BSN: variants seen among roughly 807,000 people sequenced by gnomAD.
BSN encodes the protein bassoon presynaptic cytomatrix protein.
A neutral mutation model predicts 264.8 loss-of-function variants in BSN; 57 were observed. The ratio of observed to expected loss-of-function variants is 0.22; its 90% confidence interval spans 0.17 to 0.27. The LOEUF (loss-of-function observed/expected upper bound fraction) is 0.27, where lower values mean the gene tolerates loss of function less well. Among genes scored for constraint, BSN ranks in the 10% least tolerant of loss-of-function variants. BSN has a pLI of 1.00. For missense variants in BSN, 4,615 were observed against 5,232.5 expected, an observed-to-expected ratio of 0.88 and a Z score of 3.64; for synonymous variants, 2,059 against 2,137.3, an observed-to-expected ratio of 0.96 and a Z score of 1.01.
At position 49,656,720 on chromosome 3, in the gene BSN, T is replaced by C. The variant is rs768302501; in HGVS notation, c.7164T>C (p.Leu2388=). ...TGGAGTTGGAGAAGCTGCGACAACT[T>C]CGGCTGCAAGAGGAGCTAGAGCGGG... is the stretch of plus-strand genomic sequence containing the variant. The part of the protein sequence containing the change: ...ERVELEKLRQ[L]RLQEELERER... The change falls in exon 5 of 12, where the codon CTT becomes CTC. Residue 2388 remains leucine (L), a synonymous_variant. Coordinates refer to ENST00000296452, the MANE Select transcript of BSN (RefSeq NM_003458.4). 6.3e-7 allele frequency: 1 copy of C among 1,578,436 alleles called. No homozygotes were observed. Among genetic ancestry groups the C allele is most frequent in the Non-Finnish European group, 8.6e-7 (1 of 1,161,662 alleles).
chr3:49,607,967 G>C (rs1444856120), intron 1 of BSN, among the ~76,000 whole-genome samples: 3 of 152,196 alleles, frequency 2.0e-5, no homozygotes, highest in Admixed American at 2.0e-4. Flanking sequence ...ACAGTGAGGG[G>C]GACTGAGAAT....
chr3:49,648,297 A>G (rs2052515109), intron 3 of BSN, among the ~76,000 whole-genome samples: 2 of 152,312 alleles, frequency 1.3e-5, no homozygotes, highest in Middle Eastern at 3.4e-3. Flanking sequence ...CAGGGCAGAT[A>G]TCCAAACTTT....
At chr3:49,673,038 C>T (rs1221262678), downstream of BSN, among the ~76,000 whole-genome samples, 1 of 141,220 alleles carries the variant, frequency 7.1e-6, no homozygotes. Context: ...CTCGGCCTTC[C>T]AAAGTGCAGG....
intron 1 of BSN, among the ~76,000 whole-genome samples, chr3:49,571,462 G>T (rs2051794528): frequency 6.6e-6 from 1 of 152,206 alleles, no homozygotes; most frequent in South Asian, 2.1e-4. Flanking sequence ...GTAGACTGGG[G>T]TTGGGGAGAC....
intron 1 of BSN, among the ~76,000 whole-genome samples, chr3:49,586,178 G>A (rs1378442818): frequency 2.0e-5 from 3 of 152,014 alleles, no homozygotes; most frequent in Non-Finnish European, 2.9e-5. Context: ...GTTTTGCCTG[G>A]AGATTTTCCC....
rs2052223343 is a variant in BSN at position 49,613,303 on chromosome 3, C to CAAGAGAGAGAGAGAGAGAGAGA, written c.225-11672_225-11671insAAGAGAGAGAGAGAGAGAGAGA. Among the ~76,000 whole-genome samples, 269 of 47,326 alleles carry CAAGAGAGAGAGAGAGAGAGAGA rather than the reference C, an allele frequency of 5.7e-3. 9 individuals carry two copies. Among genetic ancestry groups the CAAGAGAGAGAGAGAGAGAGAGA allele is most frequent in the Middle Eastern group, 0.016 (1 of 64 alleles). 31.0% of individuals were successfully genotyped at this position (47,326 alleles called of 152,430 possible). Reference sequence around the variant, plus strand: ...TATATATATATATACACACACAGAGCGAGAGAGAGAGAGAGAGAGAGAGAG... The same window carrying CAAGAGAGAGAGAGAGAGAGAGA: ...TATATATATATATACACACACAGAGCAAGAGAGAGAGAGAGAGAGAGAGAGAGAGAGAGAGAGAGAGAGAGAG... On this transcript the variant is annotated intron_variant, in intron 1 of 11. Coordinates refer to ENST00000296452, the MANE Select transcript of BSN (RefSeq NM_003458.4).
chr3:49,655,125 G>A lies in BSN; in HGVS notation c.5569G>A (p.Ala1857Thr), dbSNP rs774519788. Reference protein sequence around the residue: ...AELRSHALPGARKPHTVVVQM... With the variant: ...AELRSHALPGTRKPHTVVVQM... The stretch of plus-strand genomic sequence containing the variant: ...GCTGCGGTCACATGCTCTGCCAGGT[G>A]CCAGGAAGCCACACACAGTGGTGGT... The change falls in exon 5 of 12, where the codon GCC (alanine) becomes ACC (threonine). Residue 1857 changes from alanine to threonine, a missense_variant. By Grantham distance (58) the Ala-to-Thr change is moderately conservative. Around this residue, in one of 3 missense-constraint regions of BSN, gnomAD observed 3,415 missense variants for 3,866.4 expected, o/e 0.88. Transcript: ENST00000296452. 13 of 1,612,320 alleles carry A rather than the reference G, an allele frequency of 8.1e-6. No individual in the cohort carries two copies. The highest frequency in any genetic ancestry group is 1.1e-5 in the Non-Finnish European group (13 of 1,179,706).
intron 1 of BSN, among the ~76,000 whole-genome samples, chr3:49,613,918 T>A (rs1483615029): frequency 6.6e-6 from 1 of 152,092 alleles, no homozygotes; most frequent in African/African-American, 2.4e-5. Flanking sequence ...CTTCTAGAGA[T>A]AAATTCCCTA....
rs755425111 is a variant in BSN, at chr3:49,652,873, C to T, written c.3317C>T (p.Thr1106Met). Residue 1106 changes from threonine to methionine, a missense_variant, in exon 5 of 12, where the codon ACG (threonine) becomes ATG (methionine). By Grantham distance (81) the Thr-to-Met change is moderately conservative (BLOSUM62 -1). Around this residue, in one of 3 missense-constraint regions of BSN, gnomAD observed 3,415 missense variants for 3,866.4 expected, o/e 0.88. Coordinates refer to ENST00000296452, the MANE Select transcript of BSN (RefSeq NM_003458.4). ...TCACCCATCGAGGATGCCTCCCCGACGGAGGAGCTGAGGCAGGCGGCCGAG... is the reference window on the plus strand; with the variant it reads ...TCACCCATCGAGGATGCCTCCCCGATGGAGGAGCTGAGGCAGGCGGCCGAG... Reference protein sequence around the residue: ...NLSPIEDASPTEELRQAAEME... With the variant: ...NLSPIEDASPMEELRQAAEME... The T allele has an allele frequency of 1.6e-5, 25 of 1,608,682 alleles. No individual in the cohort carries two copies. Among genetic ancestry groups the T allele is most frequent in the Admixed American group, 3.4e-5 (2 of 59,572 alleles).
chr3:49,643,223 G>A, intron 3 of BSN, 71 bp downstream of exon 3: 1 of 1,517,476 alleles, frequency 6.6e-7, no homozygotes, highest in Non-Finnish European at 8.8e-7. Flanking sequence ...AGTGTCATGG[G>A]AACCAGAAAG....
At chr3:49,603,373 C>A (rs2052086838) in intron 1 of BSN, among the ~76,000 whole-genome samples, 1 of 152,212 alleles carries the variant, frequency 6.6e-6, no homozygotes, top group Non-Finnish European at 1.5e-5. Flanking sequence ...ATGTCACCAG[C>A]CTTGCCCAAT....
chr3:49,662,408 C>A lies in BSN; in HGVS notation c.10563C>A (p.Leu3521=), dbSNP rs775270783. The A allele has an allele frequency of 1.2e-6, 2 of 1,613,458 alleles. No homozygotes were observed. Among genetic ancestry groups the A allele is most frequent in the African/African-American group, 2.7e-5 (2 of 74,960 alleles). The part of the protein sequence containing the change: ...LGRPRPAGGP[L]PPGGDTCPQF... ...GGCCCCGCCCTGCCGGAGGGCCCCT[C>A]CCTCCCGGCGGGGATACCTGCCCAC... The change falls in exon 6 of 12, where the codon CTC becomes CTA. Residue 3521 remains leucine (L), a synonymous_variant. Coordinates refer to ENST00000296452, the MANE Select transcript of BSN (RefSeq NM_003458.4).
At position 49,560,279 on chromosome 3, in the gene BSN, A is replaced by G. The variant is rs543549689; in HGVS notation, c.224+5453A>G. Among the ~76,000 whole-genome samples the G allele has an allele frequency of 1.1e-4, 16 of 152,220 alleles. No individual in the cohort carries two copies. The South Asian group carries it at 2.9e-3, about 28-fold the overall frequency. Reference sequence around the variant, plus strand: ...ACTATGTGTGGGCTATGTGAGGGGAACCTGTTGCTGGAGCCTGTGGGCCAT... The same window carrying G: ...ACTATGTGTGGGCTATGTGAGGGGAGCCTGTTGCTGGAGCCTGTGGGCCAT... On this transcript the variant is annotated intron_variant, in intron 1 of 11. Transcript: ENST00000296452.
chr3:49,576,776 T>TA (rs2051847844), intron 1 of BSN, among the ~76,000 whole-genome samples: 1 of 152,172 alleles, frequency 6.6e-6, no homozygotes, highest in Admixed American at 6.5e-5. Context: ...CTCAGGCTCA[T>TA]ACTCATCTGA....
intron 2 of BSN, among the ~76,000 whole-genome samples, chr3:49,628,555 ACACTT>A (rs1235436859): frequency 6.6e-6 from 1 of 152,282 alleles, no homozygotes; most frequent in Admixed American, 6.5e-5. Context: ...GAGGTCTACT[ACACTT>A]ACACAGACAG....
Position 49,654,348 on chromosome 3 carries a change from A to G in BSN, c.4792A>G (p.Thr1598Ala), listed in dbSNP as rs370838191. The G allele has an allele frequency of 4.6e-5, 75 of 1,613,054 alleles. No homozygotes were observed. Among genetic ancestry groups the G allele is most frequent in the Non-Finnish European group, 6.1e-5 (72 of 1,179,778 alleles). The part of the protein sequence containing the change: ...QPTTHGYSQT[T>A]PPSVSQLPPE... ...CACCACCCATGGCTACAGCCAGACA[A>G]CACCTCCGAGTGTGTCTCAGCTGCC... Residue 1598 changes from threonine to alanine, a missense_variant, in exon 5 of 12, where the codon ACA becomes GCA. Thr to Ala is a moderately conservative substitution (Grantham distance 58). This residue lies in a region of BSN where 3,415 missense variants were observed against 3,866.4 expected (regional missense o/e 0.88). Transcript: ENST00000296452. This position sits in a 1 kb window ranked among gnomAD's most constrained non-coding sequence, Gnocchi z 4.1.
Position 49,657,316 on chromosome 3 carries a change from C to G in BSN, c.7760C>G (p.Thr2587Arg), listed in dbSNP as rs1265035859. The G allele has an allele frequency of 6.2e-7, 1 of 1,613,458 alleles. No individual in the cohort carries two copies. Among genetic ancestry groups the G allele is most frequent in the Non-Finnish European group, 8.5e-7 (1 of 1,179,972 alleles). The change falls in exon 5 of 12, where the codon ACA becomes AGA. Residue 2587 changes from threonine (T) to arginine (R), a missense_variant. Physicochemically the swap from Thr to Arg is moderately conservative, Grantham distance 71 (BLOSUM62 -1). This residue lies in a region of BSN where 3,415 missense variants were observed against 3,866.4 expected (regional missense o/e 0.88). Coordinates refer to ENST00000296452, the MANE Select transcript of BSN (RefSeq NM_003458.4). ...VRRIADSSVQ[T>R]DDEDGESRYL... ...AGGATTGCCGACAGCAGCGTGCAGA[C>G]AGACGATGAGGATGGGGAGAGCCGC...
chr3:49,653,801 A>G lies in BSN; in HGVS notation c.4245A>G (p.Thr1415=), dbSNP rs933770727. ...AGCGTAGTCCTTCACCATCTTCCACAGCCCACAGCTATGGACACAGCCCAA... is the reference window on the plus strand; with the variant it reads ...AGCGTAGTCCTTCACCATCTTCCACGGCCCACAGCTATGGACACAGCCCAA... ...GSERSPSPSS[T]AHSYGHSPTT... The change falls in exon 5 of 12, where the codon ACA becomes ACG. Residue 1415 remains threonine (T), a synonymous_variant. Coordinates refer to ENST00000296452, the MANE Select transcript of BSN (RefSeq NM_003458.4). This position sits in a 1 kb window ranked among gnomAD's most constrained non-coding sequence, Gnocchi z 6.3. 8.7e-6 allele frequency: 14 copies of G among 1,613,928 alleles called. No individual in the cohort carries two copies. The highest frequency in any genetic ancestry group is 5.0e-5 in the Admixed American group (3 of 59,996).
intron 1 of BSN, among the ~76,000 whole-genome samples, chr3:49,565,637 T>C (rs1481951010): frequency 1.3e-5 from 2 of 152,064 alleles, no homozygotes; most frequent in Admixed American, 1.3e-4. Flanking sequence ...TCATTCAAAA[T>C]AGAAATATAT....
Sources: allele counts gnomAD v4.1 joint callset (sites outside exome capture counted in the v4.1 genomes callset), GRCh38; gene constraint gnomAD v4.1.1; regional missense constraint gnomAD v4.1.1; non-coding constraint Gnocchi (gnomAD v3.1); transcripts MANE v1.5; gene names NCBI Gene and HGNC (gene_info 2026-07-23, HGNC 2026-07-21).